Variants in CAPN13 observed in about 807,000 individuals in gnomAD.
The protein encoded by CAPN13 is calpain-13.
In CAPN13, 90 loss-of-function variants were observed where a neutral mutation model predicts 98.4. The observed-to-expected ratio is 0.92, with a 90% confidence interval of 0.77 to 1.09. CAPN13 has a LOEUF of 1.09. Among genes scored for constraint, CAPN13 ranks in the 50% least tolerant of loss-of-function variants. The pLI is 0.00. For missense variants in CAPN13, 887 were observed against 841.3 expected (o/e 1.05, Z -0.67); for synonymous variants, 330 against 305.5 (o/e 1.08, Z -0.84).
chr2:30,781,377 T>C (rs1172243569), intron 2 of CAPN13, among the ~76,000 whole-genome samples: 2 of 152,204 alleles, frequency 1.3e-5, no homozygotes, highest in African/African-American at 4.8e-5. Flanking sequence ...GGAGGGTTAA[T>C]TTTATATACC....
At chr2:30,780,822 G>A (rs531252943) in intron 2 of CAPN13, among the ~76,000 whole-genome samples, 4 of 152,298 alleles carry the variant, frequency 2.6e-5, no homozygotes, top group East Asian at 3.9e-4. Flanking sequence ...ACCCAGGAGC[G>A]TTTTAGTCTG....
intron 20 of CAPN13, among the ~76,000 whole-genome samples, chr2:30,732,124 T>G (rs1470244117): frequency 6.6e-6 from 1 of 152,112 alleles, no homozygotes; most frequent in Non-Finnish European, 1.5e-5. Flanking sequence ...AATCCTTCAT[T>G]ACATAACTGA....
chr2:30,772,771 T>A (rs1026417714), intron 4 of CAPN13, among the ~76,000 whole-genome samples: 12 of 152,152 alleles, frequency 7.9e-5, no homozygotes, highest in Admixed American at 1.3e-4. Flanking sequence ...CAAGATTAAT[T>A]TTTAGCAGGT....
intron 5 of CAPN13, among the ~76,000 whole-genome samples, chr2:30,765,255 T>C (rs903644173): frequency 6.6e-6 from 1 of 152,162 alleles, no homozygotes; most frequent in Non-Finnish European, 1.5e-5. Context: ...CCATGGAATC[T>C]TGAAATTTAG....
chr2:30,787,034 T>G, intron 2 of CAPN13, 94 bp downstream of exon 2: 2 of 890,488 alleles, frequency 2.2e-6, no homozygotes, highest in Non-Finnish European at 3.4e-6. Context: ...CTCCTTCCAG[T>G]TTGGTTTGGC....
At chr2:30,789,579 A>T (rs1024462518) in intron 1 of CAPN13, among the ~76,000 whole-genome samples, 1 of 152,158 alleles carries the variant, frequency 6.6e-6, no homozygotes, top group African/African-American at 2.4e-5. Context: ...GCACTATTGG[A>T]TGGAGGACTG....
intron 5 of CAPN13, among the ~76,000 whole-genome samples, chr2:30,764,680 G>A (rs1399979961): frequency 6.6e-6 from 1 of 152,130 alleles, no homozygotes; most frequent in Non-Finnish European, 1.5e-5. Context: ...CATAGTGCCC[G>A]GCACGTGACC....
Position 30,732,390 on chromosome 2 carries a change from T to G in CAPN13, c.1927+48A>C, listed in dbSNP as rs770389174. On this transcript the variant is annotated intron_variant, in intron 20 of 22. Transcript: ENST00000295055. ...GGGGGTGTCCGGTCCTCTCCTGTGT[T>G]CTTCGGTCACTGCCAAGGTCTCTGG... 9.3e-6 allele frequency: 15 copies of G among 1,609,006 alleles called. No homozygotes were observed. The South Asian group carries it at 1.5e-4, about 17-fold the overall frequency.
At chr2:30,761,131 T>C (rs890074280) in intron 7 of CAPN13, among the ~76,000 whole-genome samples, 7 of 152,174 alleles carry the variant, frequency 4.6e-5, no homozygotes, top group African/African-American at 1.7e-4. Context: ...GGAGGGGATA[T>C]AGTGAGTTGC....
chr2:30,750,171 T>C (rs776756654), intron 11 of CAPN13, among the ~76,000 whole-genome samples: 9 of 152,174 alleles, frequency 5.9e-5, no homozygotes, highest in Non-Finnish European at 8.8e-5. Context: ...TGGATGGAGC[T>C]GGAAGCTATT....
At chr2:30,803,749 G>T (rs1338955196) in intron 1 of CAPN13, among the ~76,000 whole-genome samples, 2 of 152,136 alleles carry the variant, frequency 1.3e-5, no homozygotes, top group East Asian at 3.9e-4. Context: ...TAACAATTTG[G>T]ATCTCTTTAT....
rs568479100 is a variant in CAPN13 at position 30,745,150 on chromosome 2, G to A, written c.1248+573C>T. The A allele has an allele frequency of 1.9e-5, 9 of 469,464 alleles. No individual in the cohort carries two copies. The East Asian group carries it at 6.3e-4, about 33-fold the overall frequency. The allele number at this position is 469,464 out of a possible 1,614,324, so 29.1% of individuals were successfully genotyped here. On this transcript the variant is annotated intron_variant, in intron 12 of 22. Transcript: ENST00000295055. Reference sequence around the variant, plus strand: ...TGGTGGCTCAGCACTCTCAGCCATGGGCAGAGAGGTGGGTCTGAGTGCCTG... The same window carrying A: ...TGGTGGCTCAGCACTCTCAGCCATGAGCAGAGAGGTGGGTCTGAGTGCCTG...
intron 1 of CAPN13, among the ~76,000 whole-genome samples, chr2:30,800,598 C>T (rs541864314): frequency 2.0e-5 from 3 of 152,330 alleles, no homozygotes; most frequent in South Asian, 2.1e-4. Flanking sequence ...AGGTTGGTCT[C>T]GCACTTCTAA....
At chr2:30,745,950 G>A (rs1671890706) in intron 11 of CAPN13, among the ~76,000 whole-genome samples, 1 of 135,916 alleles carries the variant, frequency 7.4e-6, no homozygotes, top group African/African-American at 2.8e-5. Flanking sequence ...ACCCAGGCTG[G>A]AGTGCAATGG....
chr2:30,790,578 G>A (rs937342688), intron 1 of CAPN13, among the ~76,000 whole-genome samples: 3 of 152,238 alleles, frequency 2.0e-5, no homozygotes, highest in Admixed American at 6.5e-5. Flanking sequence ...TCCCCTTGGT[G>A]TCTACGAAAC....
At chr2:30,785,681 G>A (rs898540197) in intron 2 of CAPN13, among the ~76,000 whole-genome samples, 1 of 152,140 alleles carries the variant, frequency 6.6e-6, no homozygotes, top group African/African-American at 2.4e-5. Flanking sequence ...CCTTTCTAAA[G>A]AGAAGTGTTA....
At chr2:30,747,783 A>G (rs1370631077) in intron 11 of CAPN13, among the ~76,000 whole-genome samples, 1 of 152,224 alleles carries the variant, frequency 6.6e-6, no homozygotes, top group Non-Finnish European at 1.5e-5. Context: ...GAAAGCAACC[A>G]GTGTCATTTG....
At chr2:30,803,334 C>T (rs1675410180) in intron 1 of CAPN13, among the ~76,000 whole-genome samples, 1 of 152,120 alleles carries the variant, frequency 6.6e-6, no homozygotes, top group Admixed American at 6.5e-5. Context: ...TGGGAGACAG[C>T]GCCCCTCTGT....
chr2:30,752,731 C>A (rs759027008), intron 10 of CAPN13, among the ~76,000 whole-genome samples: 1 of 152,178 alleles, frequency 6.6e-6, no homozygotes, highest in Non-Finnish European at 1.5e-5. Flanking sequence ...CTTTCTGCAG[C>A]GCTCTCCCTT....
Sources: allele counts gnomAD v4.1 joint callset (sites outside exome capture counted in the v4.1 genomes callset), GRCh38; gene constraint gnomAD v4.1.1; transcripts MANE v1.5; gene names NCBI Gene and HGNC (gene_info 2026-07-23, HGNC 2026-07-21).